TEP1: variants seen among roughly 807,000 people sequenced by gnomAD.
The protein encoded by TEP1 is telomerase protein component 1.
Under a neutral mutation model 306.3 loss-of-function variants are expected in TEP1, and 241 were observed. That is an observed-to-expected ratio of 0.79 (90% CI 0.71 to 0.88). The LOEUF is 0.88. Among genes scored for constraint, TEP1 ranks in the 40% least tolerant of loss-of-function variants. TEP1 has a pLI of 0.00. For missense variants in TEP1, 3,051 were observed against 3,276.1 expected, an observed-to-expected ratio of 0.93 and a Z score of 1.68; for synonymous variants, 1,289 against 1,305.5, an observed-to-expected ratio of 0.99 and a Z score of 0.27.
chr14:20,369,261 G>C (rs930970212), intron 53 of TEP1, 83 bp downstream of exon 53: 75 of 1,404,844 alleles, frequency 5.3e-5, no homozygotes, highest in Non-Finnish European at 7.5e-5. Flanking sequence ...GCCCGCCTAG[G>C]CCTCCCAAAG....
At position 20,408,182 on chromosome 14, in the gene TEP1, A is replaced by G. The variant is rs750776365; in HGVS notation, c.258T>C (p.Ser86=). 1 of 1,612,278 alleles carries G rather than the reference A, an allele frequency of 6.2e-7. No homozygotes were observed. The highest frequency in any genetic ancestry group is 8.5e-7 in the Non-Finnish European group (1 of 1,179,818). ...GTGGTTTCTCCATGGTCTTCAGGTC[A>G]GAAAGTGTGGCCAGGCACTGGTTCT... The part of the protein sequence containing the change: ...SLENQCLATL[S]DLKTMEKPHG... Residue 86 remains serine, a synonymous_variant, in exon 2 of 55, where the codon TCT becomes TCC. Transcript: ENST00000262715.
chr14:20,406,195 C>T (rs1490951899), intron 3 of TEP1, 38 bp downstream of exon 3: 1 of 1,609,234 alleles, frequency 6.2e-7, no homozygotes, highest in Admixed American at 1.7e-5. Context: ...CTCCCCTCCA[C>T]ACCATTATTA....
chr14:20,403,254 C>T (rs1406336855), intron 7 of TEP1, 123 bp downstream of exon 7: 24 of 1,252,958 alleles, frequency 1.9e-5, no homozygotes, highest in Non-Finnish European at 2.7e-5. Flanking sequence ...GAACCTTACC[C>T]ACAATCACAG....
intron 44 of TEP1, 140 bp from the exon 45 acceptor site, chr14:20,373,950 G>A: frequency 8.6e-7 from 1 of 1,156,370 alleles, no homozygotes; most frequent in African/African-American, 1.5e-5. Context: ...AGTGGGGTTG[G>A]GTGGCTCAGG....
Position 20,389,615 on chromosome 14 carries a change from T to C in TEP1, c.2460A>G (p.Gln820=), listed in dbSNP as rs1223830685. The change falls in exon 16 of 55, where the codon CAA becomes CAG. Residue 820 remains glutamine (Q), a synonymous_variant. Coordinates refer to ENST00000262715, the MANE Select transcript of TEP1 (RefSeq NM_007110.5). ...LFVGILLRRV[Q]YLSTDLNPND... is the part of the protein sequence containing the mutation. ...GGAAGTATAAGCACCCTTACAGGTA[T>C]TGTACCCTTCTTAGGAGGATACCAA... 1.2e-6 allele frequency: 2 copies of C among 1,614,030 alleles called. No individual in the cohort carries two copies. Among genetic ancestry groups the C allele is most frequent in the South Asian group, 1.1e-5 (1 of 91,090 alleles).
chr14:20,380,114 T>C lies in TEP1; in HGVS notation c.5004-61A>G, dbSNP rs1885440991. 8 of 1,589,152 alleles carry C rather than the reference T, an allele frequency of 5.0e-6. No individual in the cohort carries two copies. In the African/African-American group the frequency reaches 6.7e-5, roughly 13 times the overall value. ...CGAGAGAATGCAAACAGGAGTTGATTTATGTGCTTCTGTGCCTGGATCCCT... is the reference window on the plus strand; with the variant it reads ...CGAGAGAATGCAAACAGGAGTTGATCTATGTGCTTCTGTGCCTGGATCCCT... On this transcript the variant is annotated intron_variant, in intron 34 of 54. Transcript: ENST00000262715.
chr14:20,406,314 C>T lies in TEP1; in HGVS notation c.654G>A (p.Val218=). Reference sequence around the variant, plus strand: ...AGGTGAGCTTCACGGCCAGATCCTCCACCTCCTCCTCCTCTCCCAAGCTCA... The same window carrying T: ...AGGTGAGCTTCACGGCCAGATCCTCTACCTCCTCCTCCTCTCCCAAGCTCA... The part of the protein sequence containing the change: ...YSLSLGEEEE[V]EDLAVKLTSG... Residue 218 remains valine, a synonymous_variant, in exon 3 of 55, where the codon GTG becomes GTA. Coordinates refer to ENST00000262715, the MANE Select transcript of TEP1 (RefSeq NM_007110.5). 1 of 1,614,102 alleles carries T rather than the reference C, an allele frequency of 6.2e-7. No homozygotes were observed. Among genetic ancestry groups the T allele is most frequent in the Non-Finnish European group, 8.5e-7 (1 of 1,180,024 alleles).
chr14:20,407,029 A>G (rs987725229), intron 2 of TEP1, among the ~76,000 whole-genome samples: 10 of 152,232 alleles, frequency 6.6e-5, no homozygotes, highest in African/African-American at 2.4e-4. Context: ...ATAGTTTGTA[A>G]TTGGCAGAGA....
At chr14:20,404,192 T>C (rs900593036) in intron 5 of TEP1, among the ~76,000 whole-genome samples, 2 of 151,906 alleles carry the variant, frequency 1.3e-5, no homozygotes, top group South Asian at 2.1e-4. Flanking sequence ...CCATCACTAC[T>C]AACAATATAA....
intron 2 of TEP1, among the ~76,000 whole-genome samples, chr14:20,407,013 G>C (rs1879227861): frequency 6.6e-6 from 1 of 152,224 alleles, no homozygotes. Flanking sequence ...GGTTGCCCAA[G>C]GTTGCATAGT....
At chr14:20,375,596 A>G (rs1400862818) in intron 43 of TEP1, among the ~76,000 whole-genome samples, 159 bp downstream of exon 43, 1 of 152,238 alleles carries the variant, frequency 6.6e-6, no homozygotes, top group Non-Finnish European at 1.5e-5. Flanking sequence ...GTGAAGCAAT[A>G]TATGAAAAGA....
At chr14:20,405,667 G>C (rs376900783) in intron 3 of TEP1, 82 bp from the exon 4 acceptor site, 1 of 1,509,904 alleles carries the variant, frequency 6.6e-7, no homozygotes. Flanking sequence ...AACTTACAAA[G>C]TCAAGGACAG....
At chr14:20,371,655 C>A in intron 49 of TEP1, 23 bp from the exon 50 acceptor site, 1 of 1,549,952 alleles carries the variant, frequency 6.5e-7, no homozygotes, top group Non-Finnish European at 8.6e-7. Flanking sequence ...AGTACATGGA[C>A]AGAGAAAGAT....
chr14:20,395,302 T>C (rs1469050248), intron 12 of TEP1, 148 bp downstream of exon 12: 1 of 649,668 alleles, frequency 1.5e-6, no homozygotes, highest in Non-Finnish European at 2.5e-6. Context: ...CAAGGTGTGC[T>C]GTGCAAGAAA....
At chr14:20,389,862 A>G in intron 15 of TEP1, 122 bp from the exon 16 acceptor site, 2 of 1,301,564 alleles carry the variant, frequency 1.5e-6, no homozygotes, top group Non-Finnish European at 2.1e-6. Context: ...CTCTCCTGAG[A>G]GCACATAGAA....
Position 20,395,945 on chromosome 14 carries a change from G to T in TEP1, c.1664C>A (p.Ser555Ter). Residue 555 changes from serine (S) to a stop codon, truncating the protein, a stop_gained, in exon 11 of 55, where the codon TCG becomes TAG. Coordinates refer to ENST00000262715, the MANE Select transcript of TEP1 (RefSeq NM_007110.5). LOFTEE classifies it high-confidence loss of function. Reference protein sequence around the residue: ...LILQRLQHAKSVIHSRQFPFR... With the variant: ...LILQRLQHAK ...TGGAAACTGCCGACTGTGGATCACC[G>T]ACTTCTAGAAAGCAAAGGAGGGAGG... The T allele has an allele frequency of 6.2e-7, 1 of 1,613,960 alleles. No homozygotes were observed. The highest frequency in any genetic ancestry group is 1.1e-5 in the South Asian group (1 of 91,054).
chr14:20,383,761 G>C lies in TEP1; in HGVS notation c.3692C>G (p.Ala1231Gly). Residue 1231 changes from alanine to glycine, a missense_variant, in exon 25 of 55, where the codon GCC becomes GGC. Around this residue, in one of 3 missense-constraint regions of TEP1, gnomAD observed 1,507 missense variants for 1,550.5 expected, o/e 0.97. Coordinates refer to ENST00000262715, the MANE Select transcript of TEP1 (RefSeq NM_007110.5). ...YLRGQLKEPG[A>G]LPSTYRSLVW... ...TACCCACCGGTAGGTGCTGGGGAGG[G>C]CACCTGGCTCTTTTAGTTGGCCACG... 6.2e-7 allele frequency: 1 copy of C among 1,611,570 alleles called. No individual in the cohort carries two copies. Among genetic ancestry groups the C allele is most frequent in the Middle Eastern group, 1.7e-4 (1 of 6,056 alleles).
rs1196221558 is a variant in TEP1 at position 20,407,950 on chromosome 14, T to C, written c.490A>G (p.Lys164Glu). ...PPSWRAQHFS[K>E]GLDLSTCPIA... ...GGGCAGGTTGAAAGGTCTAGTCCCT[T>C]AGAGAAATGCTGAGCCCTCCAACTT... is the stretch of plus-strand genomic sequence containing the variant. Residue 164 changes from lysine (K) to glutamate (E), a missense_variant, in exon 2 of 55, where the codon AAG (lysine) becomes GAG (glutamate). By Grantham distance (56) the Lys-to-Glu change is moderately conservative. Around this residue, in one of 3 missense-constraint regions of TEP1, gnomAD observed 1,507 missense variants for 1,550.5 expected, o/e 0.97. Transcript: ENST00000262715. The C allele has an allele frequency of 1.2e-6, 2 of 1,614,020 alleles. No individual in the cohort carries two copies. Among genetic ancestry groups the C allele is most frequent in the East Asian group, 2.2e-5 (1 of 44,874 alleles).
Position 20,377,441 on chromosome 14 carries a change from G to T in TEP1, c.5927C>A (p.Ala1976Asp). Reference protein sequence around the residue: ...QALDVAVSALAWLSPKVLVSG... With the variant: ...QALDVAVSALDWLSPKVLVSG... ...CACCAATACCTTGGGGCTTAGCCAGGCCAGGGCGGACACTGCCACATCCAG... is the reference window on the plus strand; with the variant it reads ...CACCAATACCTTGGGGCTTAGCCAGTCCAGGGCGGACACTGCCACATCCAG... The change falls in exon 41 of 55, where the codon GCC (alanine) becomes GAC (aspartate). Residue 1976 changes from alanine to aspartate, a missense_variant. Transcript: ENST00000262715. 1 of 1,614,130 alleles carries T rather than the reference G, an allele frequency of 6.2e-7. No homozygotes were observed. The highest frequency in any genetic ancestry group is 8.5e-7 in the Non-Finnish European group (1 of 1,180,004).
Sources: gnomAD v4.1 joint callset for allele counts (sites outside exome capture counted in the v4.1 genomes callset) on GRCh38, gnomAD v4.1.1 for gene constraint, gnomAD v4.1.1 regional missense constraint, MANE v1.5 for transcripts, NCBI Gene and HGNC (gene_info 2026-07-23, HGNC 2026-07-21) for gene names.